The following RBFOX1 variants were observed in gnomAD, a reference collection of about 807,000 sequenced individuals.
RBFOX1 encodes the protein RNA binding protein fox-1 homolog 1.
A neutral mutation model predicts 57.7 loss-of-function variants in RBFOX1; 8 were observed. That is an observed-to-expected ratio of 0.14 (90% CI 0.08 to 0.25). RBFOX1 has a LOEUF of 0.25. Among genes scored for constraint, RBFOX1 ranks in the 10% least tolerant of loss-of-function variants. RBFOX1 has a pLI of 1.00. For synonymous variants in RBFOX1, 326 were observed against 222.4 expected, an observed-to-expected ratio of 1.47 and a Z score of -4.15; for missense variants, 611 against 548.5, an observed-to-expected ratio of 1.11 and a Z score of -1.14.
intron 1 of RBFOX1, among the ~76,000 whole-genome samples, chr16:5,447,378 A>ATCTCTCTCTCTCTCTCTCTCTCTCTCTC (rs71142623): frequency 8.2e-5 from 11 of 134,358 alleles, no homozygotes; most frequent in East Asian, 4.5e-4. Flanking sequence ...CAATCAATCA[A>ATCTCTCTCTCTCTCTCTCTCTCTCTCTC]TCTCTCTCTC....
At chr16:5,306,440 C>G (rs897789245) in intron 1 of RBFOX1, among the ~76,000 whole-genome samples, 3 of 152,014 alleles carry the variant, frequency 2.0e-5, no homozygotes, top group Non-Finnish European at 4.4e-5. Context: ...CTGCCTCAGC[C>G]TTCTAAATAG....
intron 3 of RBFOX1, among the ~76,000 whole-genome samples, chr16:5,709,228 A>G (rs914524655): frequency 7.2e-5 from 11 of 152,194 alleles, no homozygotes; most frequent in African/African-American, 2.2e-4. Flanking sequence ...TTGTGTAATC[A>G]GTGCCATGGT....
chr16:6,985,684 A>G lies in RBFOX1; in HGVS notation c.-15-66373A>G, dbSNP rs554333330. On this transcript the variant is annotated intron_variant, in intron 3 of 15. Transcript: ENST00000550418. ...CTCTACAAAAAATACAAAAAAGAAA[A>G]TTAGCCAGGCATGGTGTCAGGTGCC... 5.3e-4 allele frequency among the ~76,000 whole-genome samples: 81 copies of G among 152,132 alleles called. 2 individuals are homozygous for G. The highest frequency in any genetic ancestry group is 1.8e-3 in the African/African-American group (73 of 41,516).
chr16:6,634,033 G>A (rs1049959009), intron 2 of RBFOX1, among the ~76,000 whole-genome samples: 1 of 151,958 alleles, frequency 6.6e-6, no homozygotes, highest in Non-Finnish European at 1.5e-5. Context: ...TCCAGGCTTT[G>A]TGTAAACCGA....
At chr16:6,819,511 C>G (rs532427991) in intron 3 of RBFOX1, among the ~76,000 whole-genome samples, 2 of 151,942 alleles carry the variant, frequency 1.3e-5, no homozygotes, top group Non-Finnish European at 2.9e-5. Flanking sequence ...TGAGACCAGC[C>G]TGACCAGCAT....
At chr16:7,230,779 C>A (rs150486530) in intron 4 of RBFOX1, among the ~76,000 whole-genome samples, 3 of 152,288 alleles carry the variant, frequency 2.0e-5, no homozygotes, top group Admixed American at 6.5e-5. Context: ...TTCTGCTCTT[C>A]GGACATAAAC....
intron 1 of RBFOX1, among the ~76,000 whole-genome samples, chr16:5,345,338 C>T (rs2065117269): frequency 6.6e-6 from 1 of 152,220 alleles, no homozygotes; most frequent in Admixed American, 6.5e-5. Context: ...TCCCCTTTTC[C>T]CTTCCTCTCC....
intron 2 of RBFOX1, among the ~76,000 whole-genome samples, chr16:6,473,858 CTGAT>C (rs1877867059): frequency 6.6e-6 from 1 of 152,166 alleles, no homozygotes; most frequent in African/African-American, 2.4e-5. Flanking sequence ...TTGGCTTTCT[CTGAT>C]TGGTCCGAAG....
rs146729411 is a variant in RBFOX1 at position 6,273,879 on chromosome 16, G to A, written c.-126-43116G>A. On this transcript the variant is annotated intron_variant, in intron 1 of 15. Transcript: ENST00000550418. ...CTGAACCAAAAAAATCAAGCAGTGAGCAAAGGACATGAAGAGACATTTTAC... is the reference window on the plus strand; with the variant it reads ...CTGAACCAAAAAAATCAAGCAGTGAACAAAGGACATGAAGAGACATTTTAC... Among the ~76,000 whole-genome samples, 1,266 of 152,174 alleles carry A rather than the reference G, an allele frequency of 8.3e-3. 20 individuals are homozygous for A. Among genetic ancestry groups the A allele is most frequent in the African/African-American group, 0.029 (1,209 of 41,516 alleles).
intron 4 of RBFOX1, among the ~76,000 whole-genome samples, chr16:7,233,303 G>GACCTT (rs1166206863): frequency 6.6e-6 from 1 of 150,616 alleles, no homozygotes; most frequent in Non-Finnish European, 1.5e-5. Flanking sequence ...CCTCTTCAAA[G>GACCTT]ACCTTTTCTA....
intron 3 of RBFOX1, among the ~76,000 whole-genome samples, chr16:6,954,734 CA>C (rs1202984803): frequency 1.8e-4 from 28 of 152,156 alleles, no homozygotes; most frequent in African/African-American, 6.7e-4. Flanking sequence ...AGATGAGCCC[CA>C]GAGAACATGC....
chr16:6,328,513 G>A (rs1203377590), intron 2 of RBFOX1, among the ~76,000 whole-genome samples: 1 of 152,022 alleles, frequency 6.6e-6, no homozygotes, highest in South Asian at 2.1e-4. Flanking sequence ...AGACCCTATG[G>A]GTCACATCTA....
intron 3 of RBFOX1, chr16:6,983,799 A>G (rs1231519623): frequency 6.6e-6 from 1 of 152,352 alleles, no homozygotes; most frequent in Non-Finnish European, 1.5e-5. Flanking sequence ...ACTTGTGCCT[A>G]GTGATGGTAG....
chr16:6,109,612 G>A (rs576251179), intron 1 of RBFOX1, among the ~76,000 whole-genome samples: 27 of 152,150 alleles, frequency 1.8e-4, no homozygotes, highest in African/African-American at 6.3e-4. Context: ...TTGCAGTCAC[G>A]ATTGCCTGGG....
At chr16:6,228,446 C>G (rs202067444) in intron 1 of RBFOX1, among the ~76,000 whole-genome samples, 1 of 143,778 alleles carries the variant, frequency 7.0e-6, no homozygotes, top group Non-Finnish European at 1.5e-5. Context: ...CACACACACA[C>G]ATACATATAC....
chr16:7,284,876 CCTT>C (rs1160796600), intron 4 of RBFOX1, among the ~76,000 whole-genome samples: 2 of 151,988 alleles, frequency 1.3e-5, no homozygotes, highest in Non-Finnish European at 2.9e-5. Context: ...ACTGGATGTT[CCTT>C]CTTTATTGCC....
intron 4 of RBFOX1, among the ~76,000 whole-genome samples, chr16:7,487,659 C>T (rs144266838): frequency 1.3e-5 from 2 of 152,138 alleles, no homozygotes; most frequent in East Asian, 1.9e-4. Context: ...GCACTGAGAC[C>T]GAGCACCACA....
At chr16:6,230,327 GTTATAA>G (rs1303507007) in intron 1 of RBFOX1, among the ~76,000 whole-genome samples, 6 of 152,036 alleles carry the variant, frequency 3.9e-5, no homozygotes, top group African/African-American at 4.8e-5. Context: ...TAACAATGTT[GTTATAA>G]TTATAAGGAA....
At chr16:6,558,742 T>C (rs1166198604) in intron 2 of RBFOX1, among the ~76,000 whole-genome samples, 6 of 151,952 alleles carry the variant, frequency 3.9e-5, no homozygotes, top group African/African-American at 1.5e-4. Context: ...AAAGAACGTG[T>C]TTCAGCTAAG....
Sources: allele counts gnomAD v4.1 joint callset (sites outside exome capture counted in the v4.1 genomes callset), GRCh38; gene constraint gnomAD v4.1.1; transcripts MANE v1.5; gene names NCBI Gene and HGNC (gene_info 2026-07-23, HGNC 2026-07-21).